The following SECISBP2L variants were observed in gnomAD, a reference collection of about 807,000 sequenced individuals.
SECISBP2L encodes the protein selenocysteine insertion sequence-binding protein 2-like.
A neutral mutation model predicts 114.7 loss-of-function variants in SECISBP2L; 43 were observed. That is an observed-to-expected ratio of 0.38 (90% confidence interval 0.29 to 0.48). The LOEUF (loss-of-function observed/expected upper bound fraction) is 0.48, where lower values mean the gene tolerates loss of function less well. Ranked by LOEUF, SECISBP2L falls within the 20% of genes least tolerant of loss-of-function variation. SECISBP2L has a pLI of 0.98. For missense variants in SECISBP2L, 1,136 were observed against 1,301.1 expected (o/e 0.87, Z 1.95); for synonymous variants, 451 against 439.7 (o/e 1.03, Z -0.32).
In SECISBP2L at chr15:49,016,595, C is replaced by T. The variant is rs148724463; in HGVS notation, c.1526G>A (p.Arg509Gln). ...CAGAGGTCTGGTGTTAGTAATTTGC[C>T]GTGCTTTCATTGCTTGCTGTTGTTT... ...LEKQQQAMKA[R>Q]QITNTRPLSY... The change falls in exon 11 of 18, where the codon CGG becomes CAG. Residue 509 changes from arginine (R) to glutamine (Q), a missense_variant. Physicochemically the swap from Arg to Gln is conservative, Grantham distance 43. Around this residue, in one of 2 missense-constraint regions of SECISBP2L, gnomAD observed 684 missense variants for 848.7 expected, o/e 0.81. Coordinates refer to ENST00000559471, the MANE Select transcript of SECISBP2L (RefSeq NM_001193489.2). The T allele has an allele frequency of 5.0e-6, 8 of 1,610,618 alleles. No homozygotes were observed. The Admixed American group carries it at 5.0e-5, about 10-fold the overall frequency.
chr15:49,042,707 T>G (rs1000668239), intron 1 of SECISBP2L: 1 of 152,208 alleles, frequency 6.6e-6, no homozygotes. Context: ...ATCATACTAC[T>G]TTTTATTCTT....
rs1344005489 is a variant in SECISBP2L, at chr15:49,009,365, G to A, written c.1878C>T (p.Ser626=). ...GAGAGAGTGAAGTATCACTGGGCATGCTTAGTCCAGTATCTGTGGAGATGT... is the reference window on the plus strand; with the variant it reads ...GAGAGAGTGAAGTATCACTGGGCATACTTAGTCCAGTATCTGTGGAGATGT... ...EIVSQEDTGL[S]MPSDTSLSPA... is the part of the protein sequence containing the mutation. Residue 626 remains serine, a synonymous_variant, in exon 14 of 18, where the codon AGC becomes AGT. Transcript: ENST00000559471. The A allele has an allele frequency of 3.1e-6, 5 of 1,613,566 alleles. No individual in the cohort carries two copies. Among genetic ancestry groups the A allele is most frequent in the African/African-American group, 2.7e-5 (2 of 74,902 alleles).
intron 3 of SECISBP2L, among the ~76,000 whole-genome samples, chr15:49,033,827 GTCAATCAATCAA>G (rs141119807): frequency 4.6e-5 from 7 of 152,174 alleles, no homozygotes; most frequent in African/African-American, 1.7e-4. Flanking sequence ...GACCGACCCT[GTCAATCAATCAA>G]TCAATCAATC....
intron 4 of SECISBP2L, among the ~76,000 whole-genome samples, chr15:49,030,829 T>G (rs1041182035): frequency 6.6e-6 from 1 of 152,190 alleles, no homozygotes; most frequent in Admixed American, 6.5e-5. Context: ...AACTTTTGTA[T>G]TCTGCATTGA....
In SECISBP2L at chr15:48,990,261, A is replaced by T. The variant is rs1035831161; in HGVS notation, c.*1983T>A. 2 of 152,648 alleles carry T rather than the reference A, an allele frequency of 1.3e-5. No individual in the cohort carries two copies. Among genetic ancestry groups the T allele is most frequent in the African/African-American group, 4.8e-5 (2 of 41,460 alleles). The allele number at this position is 152,648 out of a possible 1,614,324, so 9.5% of individuals were successfully genotyped here. The stretch of plus-strand genomic sequence containing the variant: ...TTATCTGAATCACTGACATCGAGCA[A>T]AGGAAATTTACACCATAAAAAGTAT... On this transcript the variant is annotated 3_prime_UTR_variant, in exon 18 of 18. Coordinates refer to ENST00000559471, the MANE Select transcript of SECISBP2L (RefSeq NM_001193489.2).
rs757279727 is a variant in SECISBP2L, at chr15:49,000,910, T to G, written c.2215A>C (p.Ile739Leu). The part of the protein sequence containing the change: ...MKLNKIKCVI[I>L]SPNCEKIQSK... ...TGGATTTTTTCACAGTTTGGAGAAA[T>G]TATAACACACTTGATCTTGTTTAAC... Residue 739 changes from isoleucine to leucine, a missense_variant, in exon 15 of 18, where the codon ATT becomes CTT. Physicochemically the swap from Ile to Leu is conservative, Grantham distance 5. This residue lies in a region of SECISBP2L where 684 missense variants were observed against 848.7 expected (regional missense o/e 0.81). Coordinates refer to ENST00000559471, the MANE Select transcript of SECISBP2L (RefSeq NM_001193489.2). The G allele has an allele frequency of 6.2e-7, 1 of 1,613,236 alleles. No homozygotes were observed. The highest frequency in any genetic ancestry group is 8.5e-7 in the Non-Finnish European group (1 of 1,179,744).
chr15:48,992,914 C>A lies in SECISBP2L; in HGVS notation c.2636G>T (p.Arg879Ile). ...VNEKEYETNW[R>I]NMVETSDGLE... ...TCCATCTGAAGTTTCCACCATGTTT[C>A]TCCAATTTGTTTCTACAAGTATCAA... Residue 879 changes from arginine (R) to isoleucine (I), a missense_variant, in exon 18 of 18, where the codon AGA (arginine) becomes ATA (isoleucine). Physicochemically the swap from Arg to Ile is moderately conservative, Grantham distance 97. Coordinates refer to ENST00000559471, the MANE Select transcript of SECISBP2L (RefSeq NM_001193489.2). 3.1e-6 allele frequency: 5 copies of A among 1,611,276 alleles called. No individual in the cohort carries two copies. The highest frequency in any genetic ancestry group is 4.2e-6 in the Non-Finnish European group (5 of 1,178,014).
intron 4 of SECISBP2L, among the ~76,000 whole-genome samples, chr15:49,031,619 T>C (rs1353826782): frequency 6.6e-6 from 1 of 152,152 alleles, no homozygotes; most frequent in Non-Finnish European, 1.5e-5. Flanking sequence ...CTCTGATTGA[T>C]ACCAATTAAT....
At chr15:49,045,333 G>A (rs1195911747) in intron 1 of SECISBP2L, among the ~76,000 whole-genome samples, 1 of 152,186 alleles carries the variant, frequency 6.6e-6, no homozygotes, top group Non-Finnish European at 1.5e-5. Flanking sequence ...TAATTCAGGT[G>A]CTAATTATCC....
chr15:49,028,029 T>C, intron 6 of SECISBP2L, 115 bp downstream of exon 6: 1 of 908,722 alleles, frequency 1.1e-6, no homozygotes, highest in Non-Finnish European at 1.7e-6. Flanking sequence ...ACCTTGAATC[T>C]CTGGAAGACT....
chr15:49,043,723 ATACTC>A (rs1204648767), intron 1 of SECISBP2L, among the ~76,000 whole-genome samples: 1 of 151,992 alleles, frequency 6.6e-6, no homozygotes, highest in Non-Finnish European at 1.5e-5. Flanking sequence ...AATACAGAGA[ATACTC>A]TATAAAAAGT....
chr15:48,993,562 T>C (rs1902032781), intron 17 of SECISBP2L, among the ~76,000 whole-genome samples: 1 of 152,154 alleles, frequency 6.6e-6, no homozygotes, highest in South Asian at 2.1e-4. Context: ...GATTCATGTG[T>C]TTGTACCATG....
chr15:49,016,659 C>T lies in SECISBP2L; in HGVS notation c.1462G>A (p.Val488Met), dbSNP rs746475028. 6.2e-7 allele frequency: 1 copy of T among 1,604,224 alleles called. No individual in the cohort carries two copies. The highest frequency in any genetic ancestry group is 8.5e-7 in the Non-Finnish European group (1 of 1,175,824). ...AACATGTCCCCTAAATCTAGCTGCACAGGTGTTTTATTCTTTTTTCCAGCT... is the reference window on the plus strand; with the variant it reads ...AACATGTCCCCTAAATCTAGCTGCATAGGTGTTTTATTCTTTTTTCCAGCT... The part of the protein sequence containing the change: ...KAAGKKNKTP[V>M]QLDLGDMLAA... The change falls in exon 11 of 18, where the codon GTG becomes ATG. Residue 488 changes from valine (V) to methionine (M), a missense_variant. Around this residue, in one of 2 missense-constraint regions of SECISBP2L, gnomAD observed 684 missense variants for 848.7 expected, o/e 0.81. Coordinates refer to ENST00000559471, the MANE Select transcript of SECISBP2L (RefSeq NM_001193489.2).
intron 8 of SECISBP2L, among the ~76,000 whole-genome samples, chr15:49,018,384 T>A (rs1902579134): frequency 6.6e-6 from 1 of 151,866 alleles, no homozygotes; most frequent in Non-Finnish European, 1.5e-5. Flanking sequence ...AGCCTCCCAG[T>A]TAGCTGGGAT....
chr15:49,040,339 T>C (rs1241648544), intron 1 of SECISBP2L, among the ~76,000 whole-genome samples: 1 of 152,102 alleles, frequency 6.6e-6, no homozygotes, highest in African/African-American at 2.4e-5. Context: ...GAAGCTGCTA[T>C]AGTCAACAGC....
chr15:49,036,047 A>G (rs1486045189), intron 2 of SECISBP2L, among the ~76,000 whole-genome samples: 2 of 152,234 alleles, frequency 1.3e-5, no homozygotes, highest in Non-Finnish European at 2.9e-5. Context: ...TTCTGTAAAG[A>G]ACAGAGTAAA....
chr15:48,994,351 G>T (rs1902046357), intron 17 of SECISBP2L, among the ~76,000 whole-genome samples: 1 of 151,988 alleles, frequency 6.6e-6, no homozygotes, highest in South Asian at 2.1e-4. Context: ...CTGTTCATTT[G>T]TAACATCTTC....
rs1901926678 is a variant in SECISBP2L at position 48,989,492 on chromosome 15, C to A, written c.*2752G>T. 1 of 152,450 alleles carries A rather than the reference C, an allele frequency of 6.6e-6. No homozygotes were observed. Among genetic ancestry groups the A allele is most frequent in the Non-Finnish European group, 1.5e-5 (1 of 67,984 alleles). 9.4% of individuals were successfully genotyped at this position (152,450 alleles called of 1,614,324 possible). On this transcript the variant is annotated 3_prime_UTR_variant, in exon 18 of 18. Coordinates refer to ENST00000559471, the MANE Select transcript of SECISBP2L (RefSeq NM_001193489.2). ...CACACATTACTTTTCCACATTTAGTCAAAAGAAATATATTACATCATTTAC... is the reference window on the plus strand; with the variant it reads ...CACACATTACTTTTCCACATTTAGTAAAAAGAAATATATTACATCATTTAC...
At chr15:48,999,397 G>A (rs1260209385) in intron 16 of SECISBP2L, among the ~76,000 whole-genome samples, 1 of 152,160 alleles carries the variant, frequency 6.6e-6, no homozygotes, top group Non-Finnish European at 1.5e-5. Flanking sequence ...TACAATCATT[G>A]TGACAATTGG....
Sources: allele counts gnomAD v4.1 joint callset (sites outside exome capture counted in the v4.1 genomes callset), GRCh38; gene constraint gnomAD v4.1.1; regional missense constraint gnomAD v4.1.1; transcripts MANE v1.5; gene names NCBI Gene and HGNC (gene_info 2026-07-23, HGNC 2026-07-21).